HTRA3: variants seen among roughly 807,000 people sequenced by gnomAD.
HTRA3 encodes HtrA serine peptidase 3, also known as serine protease HTRA3.
In HTRA3, 41 loss-of-function variants were observed where a neutral mutation model predicts 43.2. The observed-to-expected ratio is 0.95, with a 90% CI of 0.74 to 1.23. HTRA3 has a LOEUF of 1.23. HTRA3 is among the 50% of genes most tolerant of loss of function. HTRA3 has a pLI of 0.00. For missense variants in HTRA3, 628 were observed against 647.1 expected (o/e 0.97, Z 0.32); for synonymous variants, 295 against 287.9 (o/e 1.02, Z -0.25).
chr4:8,304,280 G>C lies in HTRA3; in HGVS notation c.1196+1G>C, dbSNP rs367598929. On this transcript the variant is annotated splice_donor_variant, in intron 8 of 8. Transcript: ENST00000307358. LOFTEE classifies it high-confidence loss of function. ...TTGCGCCGAATTCACCTTCTCAGAG[G>C]TAGGCTCTGCCAGAGGAGATCGCTC... The C allele has an allele frequency of 6.2e-7, 1 of 1,613,388 alleles. No homozygotes were observed. Among genetic ancestry groups the C allele is most frequent in the East Asian group, 2.2e-5 (1 of 44,878 alleles).
rs1230604815 is a variant in HTRA3 at position 8,306,271 on chromosome 4, G to A, written c.*135G>A. 2.3e-5 allele frequency: 22 copies of A among 976,964 alleles called. No homozygotes were observed. The highest frequency in any genetic ancestry group is 1.3e-4 in the Admixed American group (4 of 30,990). 60.5% of individuals were successfully genotyped at this position (976,964 alleles called of 1,614,324 possible). On this transcript the variant is annotated 3_prime_UTR_variant, in exon 9 of 9. Transcript: ENST00000307358. The surrounding 1 kb of genome is among the most constrained non-coding windows in gnomAD (Gnocchi z 8.9). ...TCCTCCTGGCTGTCCGGGGCAGAGC[G>A]GAGGCTGGGCTTGGCCAGGGGCCCG...
At chr4:8,274,756 AG>A (rs1460010674) in intron 1 of HTRA3, among the ~76,000 whole-genome samples, 1 of 152,210 alleles carries the variant, frequency 6.6e-6, no homozygotes, top group Non-Finnish European at 1.5e-5. Flanking sequence ...CAGAGCTCTG[AG>A]GCCATGCAGC....
intron 6 of HTRA3, among the ~76,000 whole-genome samples, chr4:8,301,185 C>T (rs967462432): frequency 2.7e-5 from 4 of 148,326 alleles, no homozygotes; most frequent in African/African-American, 5.0e-5. Flanking sequence ...TCACACTCAT[C>T]TTTATTGATT....
At chr4:8,305,206 C>T (rs1253953881) in intron 8 of HTRA3, among the ~76,000 whole-genome samples, 1 of 152,256 alleles carries the variant, frequency 6.6e-6, no homozygotes, top group African/African-American at 2.4e-5. Flanking sequence ...GCCGACTGTA[C>T]TGTGCATCCT....
At chr4:8,291,824 G>T (rs935561319) in intron 4 of HTRA3, among the ~76,000 whole-genome samples, 2 of 152,246 alleles carry the variant, frequency 1.3e-5, no homozygotes, top group Non-Finnish European at 1.5e-5. Flanking sequence ...CATGGCCACA[G>T]CCCGCAAACA....
At chr4:8,290,629 G>T (rs1288910411) in intron 3 of HTRA3, among the ~76,000 whole-genome samples, 1 of 152,228 alleles carries the variant, frequency 6.6e-6, no homozygotes, top group Admixed American at 6.5e-5. Flanking sequence ...GTGTGTGTGT[G>T]TGCGCTTCGG....
intron 1 of HTRA3, among the ~76,000 whole-genome samples, chr4:8,273,712 C>A (rs1390747503): frequency 6.6e-6 from 1 of 152,078 alleles, no homozygotes; most frequent in African/African-American, 2.4e-5. Flanking sequence ...CAGTGGGGAG[C>A]CTCGATCCCC....
rs563438898 is a variant in HTRA3, at chr4:8,302,408, G to C, written c.1052-55G>C. Reference sequence around the variant, plus strand: ...TGTCCTCTGCCTGTCCCCTGAGGGAGCGTGGTGGCTTTTCACAGCAGCCCT... The same window carrying C: ...TGTCCTCTGCCTGTCCCCTGAGGGACCGTGGTGGCTTTTCACAGCAGCCCT... On this transcript the variant is annotated intron_variant, in intron 6 of 8. Coordinates refer to ENST00000307358, the MANE Select transcript of HTRA3 (RefSeq NM_053044.5). 1.2e-5 allele frequency: 18 copies of C among 1,530,394 alleles called. No individual in the cohort carries two copies. The South Asian group carries it at 2.0e-4, about 17-fold the overall frequency. 94.8% of individuals were successfully genotyped at this position (1,530,394 alleles called of 1,614,324 possible). A position where few individuals can be genotyped will look rare whatever the true frequency, so the allele number is the denominator to read the frequency against.
rs1166369897 is a variant in HTRA3, at chr4:8,279,335, G to A, written c.386-3102G>A. On this transcript the variant is annotated intron_variant, in intron 1 of 8. Coordinates refer to ENST00000307358, the MANE Select transcript of HTRA3 (RefSeq NM_053044.5). This position sits in a 1 kb window ranked among gnomAD's most constrained non-coding sequence, Gnocchi z 7.4. ...GTTTCCTGCAAGGCTTTTACTTAAC[G>A]AATATTTCACAGAGGGTTTTAAAAC... Among the ~76,000 whole-genome samples the A allele has an allele frequency of 6.6e-6, 1 of 152,156 alleles. No homozygotes were observed. Among genetic ancestry groups the A allele is most frequent in the South Asian group, 2.1e-4 (1 of 4,826 alleles).
At chr4:8,302,590 G>A in intron 7 of HTRA3, 79 bp downstream of exon 7, 1 of 1,395,224 alleles carries the variant, frequency 7.2e-7, no homozygotes, top group Non-Finnish European at 1.0e-6. Context: ...GACCCTGGCT[G>A]GCTGTGTTCG....
At chr4:8,275,854 A>G (rs1398428681) in intron 1 of HTRA3, among the ~76,000 whole-genome samples, 1 of 152,214 alleles carries the variant, frequency 6.6e-6, no homozygotes, top group Admixed American at 6.5e-5. Context: ...GTAGGGATGG[A>G]TGGTTCTGCC....
rs770302133 is a variant in HTRA3 at position 8,306,084 on chromosome 4, G to A, written c.1310G>A (p.Arg437Gln). The change falls in exon 9 of 9, where the codon CGG becomes CAG. Residue 437 changes from arginine to glutamine, a missense_variant. Arg to Gln is a conservative substitution (Grantham distance 43). Coordinates refer to ENST00000307358, the MANE Select transcript of HTRA3 (RefSeq NM_053044.5). This position sits in a 1 kb window ranked among gnomAD's most constrained non-coding sequence, Gnocchi z 8.9. ...LTESPLLLEV[R>Q]RGNDDLLFSI... Reference sequence around the variant, plus strand: ...GAGTCTCCTCTCCTACTGGAGGTGCGGCGGGGGAACGACGACCTCCTCTTC... The same window carrying A: ...GAGTCTCCTCTCCTACTGGAGGTGCAGCGGGGGAACGACGACCTCCTCTTC... 33 of 1,609,518 alleles carry A rather than the reference G, an allele frequency of 2.1e-5. No individual in the cohort carries two copies. Among genetic ancestry groups the A allele is most frequent in the South Asian group, 1.4e-4 (13 of 90,936 alleles).
At chr4:8,285,939 C>T (rs1346012063) in intron 2 of HTRA3, among the ~76,000 whole-genome samples, 1 of 152,210 alleles carries the variant, frequency 6.6e-6, no homozygotes, top group Non-Finnish European at 1.5e-5. Flanking sequence ...TCTCAGCCCT[C>T]CCAGCACTCA....
intron 8 of HTRA3, among the ~76,000 whole-genome samples, chr4:8,305,491 G>A (rs571757493): frequency 6.6e-6 from 1 of 152,372 alleles, no homozygotes; most frequent in Non-Finnish European, 1.5e-5. Flanking sequence ...CCACGCAGCT[G>A]AGCACAGTAC....
intron 1 of HTRA3, among the ~76,000 whole-genome samples, chr4:8,276,394 G>A (rs1199955996): frequency 6.6e-6 from 1 of 152,232 alleles, no homozygotes; most frequent in Non-Finnish European, 1.5e-5. Flanking sequence ...GATGGCAGGT[G>A]GACGCGTCTT....
At chr4:8,299,345 G>C (rs1713559779) in intron 6 of HTRA3, among the ~76,000 whole-genome samples, 1 of 152,154 alleles carries the variant, frequency 6.6e-6, no homozygotes, top group Admixed American at 6.5e-5. Flanking sequence ...AAGATATCCT[G>C]TAAGCTTGAT....
intron 6 of HTRA3, among the ~76,000 whole-genome samples, chr4:8,294,614 ATC>A (rs1460098710): frequency 7.8e-3 from 1 of 128 alleles, no homozygotes; most frequent in Non-Finnish European, 0.016. Context: ...CCATCCATCC[ATC>A]CATCCATCCA....
chr4:8,302,520 C>G lies in HTRA3; in HGVS notation c.1100+9C>G. ...CGGACGATCACACCAAGGTGAGTGT[C>G]TGAAGAGTGCCATCCCCTGCTACCC... On this transcript the variant is annotated intron_variant, in intron 7 of 8. Transcript: ENST00000307358. 1 of 1,613,382 alleles carries G rather than the reference C, an allele frequency of 6.2e-7. No homozygotes were observed.
intron 5 of HTRA3, among the ~76,000 whole-genome samples, chr4:8,292,972 A>G (rs1713305357): frequency 6.6e-6 from 1 of 152,070 alleles, no homozygotes; most frequent in Non-Finnish European, 1.5e-5. Flanking sequence ...GGCTTCCTGG[A>G]GGTGAGAGCA....
Sources: gnomAD v4.1 joint callset for allele counts (sites outside exome capture counted in the v4.1 genomes callset) on GRCh38, gnomAD v4.1.1 for gene constraint, Gnocchi (gnomAD v3.1) non-coding constraint, MANE v1.5 for transcripts, NCBI Gene and HGNC (gene_info 2026-07-23, HGNC 2026-07-21) for gene names.